Variants in KLC4 observed in about 807,000 individuals in gnomAD.
KLC4 encodes the protein kinesin-like protein 8.
A neutral mutation model predicts 77.2 loss-of-function variants in KLC4; 49 were observed. The observed-to-expected ratio is 0.63, with a 90% CI of 0.50 to 0.80. KLC4 has a LOEUF of 0.80. Ranked by LOEUF, KLC4 falls within the 30% of genes least tolerant of loss-of-function variation. The pLI is 0.00. For missense variants in KLC4, 669 were observed against 793.5 expected (o/e 0.84, Z 1.89); for synonymous variants, 274 against 314.5 (o/e 0.87, Z 1.36).
At position 43,066,505 on chromosome 6, in the gene KLC4, C is replaced by T. The variant is rs1361111477; in HGVS notation, c.771C>T (p.Asn257=). 6.2e-7 allele frequency: 1 copy of T among 1,613,384 alleles called. No homozygotes were observed. The highest frequency in any genetic ancestry group is 2.2e-5 in the East Asian group (1 of 44,854). The stretch of plus-strand genomic sequence containing the variant: ...ACCCTGATGTCGCCACCATGCTCAA[C>T]ATCCTTGCTTTGGTGTATCGGTGAG... ...RGHPDVATML[N]ILALVYRDQN... Residue 257 remains asparagine, a synonymous_variant, in exon 5 of 16, where the codon AAC becomes AAT. Coordinates refer to ENST00000347162, the MANE Select transcript of KLC4 (RefSeq NM_201521.3).
At position 43,061,552 on chromosome 6, in the gene KLC4, C is replaced by T. The variant is rs766075310; in HGVS notation, c.217C>T (p.Arg73Cys). The change falls in exon 2 of 16, where the codon CGT becomes TGT. Residue 73 changes from arginine (R) to cysteine (C), a missense_variant. By Grantham distance (180) the Arg-to-Cys change is radical. Transcript: ENST00000347162. ...LVHEKARQLRRSMENIELGLS... is the reference protein window; with the variant it reads ...LVHEKARQLRCSMENIELGLS... The stretch of plus-strand genomic sequence containing the variant: ...GCATGAGAAGGCCCGGCAGCTTCGC[C>T]GTTCTATGGAAAACATTGAGCTCGG... 2.6e-5 allele frequency: 42 copies of T among 1,613,510 alleles called. No individual in the cohort carries two copies. The highest frequency in any genetic ancestry group is 1.7e-4 in the Middle Eastern group (1 of 6,010).
intron 9 of KLC4, 42 bp downstream of exon 9, chr6:43,071,416 A>C (rs373440481): frequency 6.4e-7 from 1 of 1,569,478 alleles, no homozygotes; most frequent in African/African-American, 1.4e-5. Context: ...GGGGAAGAAA[A>C]GAAATTCAGA....
Position 43,071,601 on chromosome 6 carries a change from G to A in KLC4, c.1290G>A (p.Glu430=). 1 of 1,613,778 alleles carries A rather than the reference G, an allele frequency of 6.2e-7. No individual in the cohort carries two copies. Among genetic ancestry groups the A allele is most frequent in the Non-Finnish European group, 8.5e-7 (1 of 1,179,978 alleles). ...DHKPIWMHAE[E]REEMSKSRHH... ...AGCCCATCTGGATGCATGCAGAGGA[G>A]CGGGAGGAAATGAGCAAAGTGAGTG... Residue 430 remains glutamate (E), a synonymous_variant, in exon 10 of 16, where the codon GAG becomes GAA. Coordinates refer to ENST00000347162, the MANE Select transcript of KLC4 (RefSeq NM_201521.3).
rs1186332202 is a variant in KLC4 at position 43,067,940 on chromosome 6, G to A, written c.879+857G>A. Among the ~76,000 whole-genome samples, 7 of 111,826 alleles carry A rather than the reference G, an allele frequency of 6.3e-5. 1 individual carries two copies. In the East Asian group the frequency reaches 1.3e-3, roughly 21 times the overall value. 73.4% of individuals were successfully genotyped at this position (111,826 alleles called of 152,430 possible). A position where few individuals can be genotyped will look rare whatever the true frequency, so the allele number is the denominator to read the frequency against. Reference sequence around the variant, plus strand: ...ATCCTGGCTAAAACGGTGAAACCCCGTCTCTACTAAAAATACAAAAAATTA... The same window carrying A: ...ATCCTGGCTAAAACGGTGAAACCCCATCTCTACTAAAAATACAAAAAATTA... On this transcript the variant is annotated intron_variant, in intron 6 of 15. Transcript: ENST00000347162.
rs1428918555 is a variant in KLC4, at chr6:43,065,655, G to A, written c.525G>A (p.Leu175=). The part of the protein sequence containing the change: ...EKEGDATKDS[L]DDLFPNEEEE... The stretch of plus-strand genomic sequence containing the variant: ...AAGGCGATGCCACCAAGGATTCCCT[G>A]GATGACCTCTTTCCTAATGAGGAGG... Residue 175 remains leucine, a synonymous_variant, in exon 4 of 16, where the codon CTG becomes CTA. Coordinates refer to ENST00000347162, the MANE Select transcript of KLC4 (RefSeq NM_201521.3). 1 of 1,613,956 alleles carries A rather than the reference G, an allele frequency of 6.2e-7. No individual in the cohort carries two copies. Among genetic ancestry groups the A allele is most frequent in the Non-Finnish European group, 8.5e-7 (1 of 1,179,876 alleles).
At chr6:43,062,661 C>T in intron 2 of KLC4, 1 of 530,732 alleles carries the variant, frequency 1.9e-6, no homozygotes, top group Non-Finnish European at 3.4e-6. Flanking sequence ...GGAACAAGGG[C>T]AGAAACGAGG....
rs777815351 is a variant in KLC4 at position 43,062,899 on chromosome 6, G to C, written c.259-18G>C. The C allele has an allele frequency of 1.6e-5, 26 of 1,607,346 alleles. 1 individual carries two copies. The South Asian group carries it at 2.9e-4, about 18-fold the overall frequency. On this transcript the variant is annotated intron_variant, in intron 2 of 15. Transcript: ENST00000347162. ...ACTCCCACCCAGAATCTGGAGCTCA[G>C]GGGATGTGCCCACCTAGGTGATGCT...
chr6:43,066,723 C>G (rs1346608237), intron 5 of KLC4, among the ~76,000 whole-genome samples, 198 bp downstream of exon 5: 1 of 152,146 alleles, frequency 6.6e-6, no homozygotes, highest in African/African-American at 2.4e-5. Flanking sequence ...CCTTGGGATC[C>G]TTGTTCCTCT....
chr6:43,059,975 GC>G, intron 1 of KLC4: 2 of 1,294,032 alleles, frequency 1.5e-6, no homozygotes, highest in Non-Finnish European at 2.0e-6. Context: ...CCCCCCTGCC[GC>G]CCCCGCCCAT....
At chr6:43,066,164 A>G (rs1292009098) in intron 4 of KLC4, 142 bp from the exon 5 acceptor site, 8 of 706,914 alleles carry the variant, frequency 1.1e-5, no homozygotes, top group Non-Finnish European at 2.0e-5. Context: ...TGGATAAAAG[A>G]ATAGCACTTG....
intron 6 of KLC4, 23 bp downstream of exon 6, chr6:43,067,106 A>ACCCCC: frequency 1.0e-6 from 1 of 988,864 alleles, no homozygotes; most frequent in Non-Finnish European, 1.5e-6. Context: ...TGCCCTCCCC[A>ACCCCC]CCCCACGCCC....
chr6:43,073,343 A>G lies in KLC4; in HGVS notation c.1745+5A>G. 6.2e-7 allele frequency: 1 copy of G among 1,603,040 alleles called. No homozygotes were observed. Among genetic ancestry groups the G allele is most frequent in the South Asian group, 1.1e-5 (1 of 90,642 alleles). ...GACTGAGCCTCGGCCCTCCAGGTAT[A>G]CATGGAAGTCAAGATACAGTAAAGT... On this transcript the variant is annotated splice_donor_5th_base_variant and intron_variant, in intron 14 of 15. Transcript: ENST00000347162.
At chr6:43,062,809 G>T in intron 2 of KLC4, 108 bp from the exon 3 acceptor site, 2 of 819,692 alleles carry the variant, frequency 2.4e-6, no homozygotes, top group Non-Finnish European at 2.0e-6. Flanking sequence ...CCACCTTCTG[G>T]CTCCTCTGTG....
intron 6 of KLC4, among the ~76,000 whole-genome samples, chr6:43,068,239 C>T (rs957557629): frequency 5.9e-5 from 9 of 151,426 alleles, no homozygotes; most frequent in African/African-American, 2.2e-4. Context: ...TTTGGGAGGC[C>T]AAGGTGGGCA....
chr6:43,063,135 TG>T lies in KLC4; in HGVS notation c.479del (p.Gly160AspfsTer59), dbSNP rs769468618. ...LGQLRQYDED[G>X]HTSEEKEGDA... ...GGCAGCTGCGGCAGTATGATGAGGA[TG>T]GACATACCTCGGTGAGTGTGCACAG... is the stretch of plus-strand genomic sequence containing the variant. On this transcript the variant is annotated frameshift_variant, in exon 3 of 16. Coordinates refer to ENST00000347162, the MANE Select transcript of KLC4 (RefSeq NM_201521.3). LOFTEE classifies it high-confidence loss of function. The T allele has an allele frequency of 6.2e-7, 1 of 1,612,838 alleles. No homozygotes were observed. The highest frequency in any genetic ancestry group is 1.1e-5 in the South Asian group (1 of 91,026).
intron 6 of KLC4, among the ~76,000 whole-genome samples, chr6:43,067,938 C>T (rs1444304101): frequency 1.7e-5 from 2 of 114,562 alleles, no homozygotes; most frequent in Non-Finnish European, 1.6e-5. Context: ...CGGTGAAACC[C>T]CGTCTCTACT....
In KLC4 at chr6:43,061,295, T is replaced by C. The variant is rs182543297; in HGVS notation, c.-25-16T>C. The C allele has an allele frequency of 2.1e-4, 342 of 1,604,524 alleles. No individual in the cohort carries two copies. The African/African-American group carries it at 4.0e-3, about 19-fold the overall frequency. On this transcript the variant is annotated splice_polypyrimidine_tract_variant and intron_variant, in intron 1 of 15. Transcript: ENST00000347162. ...TCTCATCTTTACACCAGCTGAACTC[T>C]GTTGTTTCTCCCTAGACCGGGCAAG... is the stretch of plus-strand genomic sequence containing the variant.
Position 43,071,868 on chromosome 6 carries a change from G to A in KLC4, c.1325G>A (p.Gly442Asp), listed in dbSNP as rs763369951. Residue 442 changes from glycine to aspartate, a missense_variant, in exon 11 of 16, where the codon GGT becomes GAT. By Grantham distance (94) the Gly-to-Asp change is moderately conservative. Transcript: ENST00000347162. ...EEMSKSRHHE[G>D]GTPYAEYGGW... The stretch of plus-strand genomic sequence containing the variant: ...GTCCTGCAGAGCCGGCACCATGAGG[G>A]TGGGACACCCTATGCTGAGTATGGA... 2.5e-6 allele frequency: 4 copies of A among 1,612,444 alleles called. No homozygotes were observed. Among genetic ancestry groups the A allele is most frequent in the East Asian group, 2.2e-5 (1 of 44,870 alleles).
Position 43,066,476 on chromosome 6 carries a change from G to A in KLC4, c.742G>A (p.Gly248Ser). The change falls in exon 5 of 16, where the codon GGC (glycine) becomes AGC (serine). Residue 248 changes from glycine (G) to serine (S), a missense_variant. Transcript: ENST00000347162. ...LEDLERTSGR[G>S]HPDVATMLNI... The stretch of plus-strand genomic sequence containing the variant: ...GGACCTGGAGCGCACATCAGGCCGT[G>A]GCCACCCTGATGTCGCCACCATGCT... The A allele has an allele frequency of 6.2e-7, 1 of 1,614,036 alleles. No homozygotes were observed. Among genetic ancestry groups the A allele is most frequent in the Non-Finnish European group, 8.5e-7 (1 of 1,179,964 alleles).
Sources: gnomAD v4.1 joint callset for allele counts (sites outside exome capture counted in the v4.1 genomes callset) on GRCh38, gnomAD v4.1.1 for gene constraint, MANE v1.5 for transcripts, NCBI Gene and HGNC (gene_info 2026-07-23, HGNC 2026-07-21) for gene names.